Variants in ADAMTS9 observed in about 807,000 individuals in gnomAD.
The protein encoded by ADAMTS9 is ADAM metallopeptidase with thrombospondin type 1 motif 9.
A neutral mutation model predicts 257.1 loss-of-function variants in ADAMTS9; 107 were observed. That is an observed-to-expected ratio of 0.42 (90% CI 0.36 to 0.49). The LOEUF (loss-of-function observed/expected upper bound fraction) is 0.49, where lower values mean the gene tolerates loss of function less well. Among genes scored for constraint, ADAMTS9 ranks in the 20% least tolerant of loss-of-function variants. The pLI is 0.03. For synonymous variants in ADAMTS9, 982 were observed against 880.9 expected, an observed-to-expected ratio of 1.11 and a Z score of -2.03; for missense variants, 2,353 against 2,469.1, an observed-to-expected ratio of 0.95 and a Z score of 1.00.
At chr3:64,578,754 A>G (rs575209563) in intron 28 of ADAMTS9, among the ~76,000 whole-genome samples, 2 of 152,286 alleles carry the variant, frequency 1.3e-5, no homozygotes, top group South Asian at 2.1e-4. Context: ...TCACTTGTCC[A>G]GTCCATAAAA....
At chr3:64,636,398 T>C (rs1700497639) in intron 12 of ADAMTS9, among the ~76,000 whole-genome samples, 1 of 152,136 alleles carries the variant, frequency 6.6e-6, no homozygotes, top group Non-Finnish European at 1.5e-5. Flanking sequence ...TGATGCAATA[T>C]TAGGCGAGTT....
chr3:64,541,000 TAC>T (rs1239821104), intron 36 of ADAMTS9, 93 bp downstream of exon 36: 126 of 1,507,948 alleles, frequency 8.4e-5, no homozygotes, highest in Non-Finnish European at 9.9e-5. Context: ...CAATGTGCAA[TAC>T]GCACCTCCCT....
At chr3:64,625,580 T>TGAATTGCA (rs1240400824) in intron 16 of ADAMTS9, among the ~76,000 whole-genome samples, 1 of 152,158 alleles carries the variant, frequency 6.6e-6, no homozygotes, top group Non-Finnish European at 1.5e-5. Flanking sequence ...ATTCCAGGAT[T>TGAATTGCA]AGGAATTAAC....
chr3:64,554,830 G>C (rs528231511), intron 30 of ADAMTS9, among the ~76,000 whole-genome samples: 1 of 152,192 alleles, frequency 6.6e-6, no homozygotes, highest in South Asian at 2.1e-4. Flanking sequence ...TTGAGGGTGA[G>C]GAAGACCTAA....
chr3:64,517,429 T>TTTTTTTTTTTTTTTTTTTTTTTTTTG (rs1321284198), intron 39 of ADAMTS9, among the ~76,000 whole-genome samples: 2 of 130,662 alleles, frequency 1.5e-5, no homozygotes, highest in Non-Finnish European at 1.7e-5. Context: ...TTTTTTTTTT[T>TTTTTTTTTTTTTTTTTTTTTTTTTTG]TTTTTTTTTT....
intron 19 of ADAMTS9, among the ~76,000 whole-genome samples, chr3:64,617,862 G>A (rs981385484): frequency 1.3e-4 from 20 of 152,116 alleles, no homozygotes; most frequent in East Asian, 3.9e-4. Context: ...ACAACCATGC[G>A]TTTGGAAAAG....
At chr3:64,577,552 T>C (rs1423653632) in intron 28 of ADAMTS9, among the ~76,000 whole-genome samples, 1 of 152,138 alleles carries the variant, frequency 6.6e-6, no homozygotes, top group Admixed American at 6.5e-5. Flanking sequence ...GAGTAAGTAA[T>C]TGGTGGGAAA....
At chr3:64,635,426 A>G (rs1700472293) in intron 12 of ADAMTS9, among the ~76,000 whole-genome samples, 1 of 152,220 alleles carries the variant, frequency 6.6e-6, no homozygotes, top group African/African-American at 2.4e-5. Flanking sequence ...AACATTCACC[A>G]TTATTTATCA....
In ADAMTS9 at chr3:64,658,708, C is replaced by G. The variant is rs2106970254; in HGVS notation, c.763G>C (p.Ala255Pro). 1.9e-6 allele frequency: 3 copies of G among 1,614,166 alleles called. No individual in the cohort carries two copies. Among genetic ancestry groups the G allele is most frequent in the Non-Finnish European group, 2.5e-6 (3 of 1,180,032 alleles). ...GERINLAGDV[A>P]ALNSGLATEA... ...GTTGCTAAGCCGCTGTTTAATGCTGCTACGTCACCAGCCAGGTTAATCCTT... is the reference window on the plus strand; with the variant it reads ...GTTGCTAAGCCGCTGTTTAATGCTGGTACGTCACCAGCCAGGTTAATCCTT... Residue 255 changes from alanine (A) to proline (P), a missense_variant, in exon 4 of 40, where the codon GCA becomes CCA. Physicochemically the swap from Ala to Pro is conservative, Grantham distance 27 (BLOSUM62 -1). Coordinates refer to ENST00000498707, the MANE Select transcript of ADAMTS9 (RefSeq NM_182920.2).
chr3:64,612,771 C>T (rs1421595407), intron 22 of ADAMTS9, among the ~76,000 whole-genome samples: 1 of 152,174 alleles, frequency 6.6e-6, no homozygotes, highest in African/African-American at 2.4e-5. Context: ...GGGAGACTTT[C>T]ACTCTCTCCT....
rs201688362 is a variant in ADAMTS9 at position 64,621,138 on chromosome 3, G to T, written c.2789C>A (p.Pro930His). The T allele has an allele frequency of 3.5e-5, 56 of 1,613,706 alleles. No individual in the cohort carries two copies. In the East Asian group the frequency reaches 1.2e-3, roughly 35 times the overall value. Residue 930 changes from proline to histidine, a missense_variant, in exon 19 of 40, where the codon CCC (proline) becomes CAC (histidine). By Grantham distance (77) the Pro-to-His change is moderately conservative. This residue lies in a region of ADAMTS9 where 1,402 missense variants were observed against 1,441.4 expected (regional missense o/e 0.97). Transcript: ENST00000498707. ...CCTCAGGTCACAGTCTGTACCACAG[G>T]GTTCAGTAATGTGTCCAGGCTGGGG... The part of the protein sequence containing the change: ...RLPQPGHITE[P>H]CGTDCDLRWH...
chr3:64,521,298 C>G lies in ADAMTS9; in HGVS notation c.*5+868G>C, dbSNP rs549156364. 2.0e-5 allele frequency among the ~76,000 whole-genome samples: 3 copies of G among 152,200 alleles called. No homozygotes were observed. The East Asian group carries it at 5.8e-4, about 29-fold the overall frequency. ...CGATTCTTAAAAAGTAAAAAGATAA[C>G]AGATATTGGTGAGACTGCAGAGAAA... On this transcript the variant is annotated intron_variant, in intron 39 of 39. Coordinates refer to ENST00000498707, the MANE Select transcript of ADAMTS9 (RefSeq NM_182920.2).
At chr3:64,580,790 C>G (rs558935538) in intron 28 of ADAMTS9, among the ~76,000 whole-genome samples, 1 of 152,308 alleles carries the variant, frequency 6.6e-6, no homozygotes, top group South Asian at 2.1e-4. Context: ...GGGAAACATT[C>G]AGATTCCAAG....
In ADAMTS9 at chr3:64,533,244, T is replaced by A; in HGVS notation, c.5640A>T (p.Gly1880=). The A allele has an allele frequency of 6.2e-7, 1 of 1,614,040 alleles. No individual in the cohort carries two copies. The highest frequency in any genetic ancestry group is 1.3e-5 in the African/African-American group (1 of 75,030). The part of the protein sequence containing the change: ...PQGRFSINLY[G]TGLSLTESAR... ...CAGATTCAGTTAAAGACAAGCCGGTTCCATAAAGGTTGATGCTAAAACGAC... is the reference window on the plus strand; with the variant it reads ...CAGATTCAGTTAAAGACAAGCCGGTACCATAAAGGTTGATGCTAAAACGAC... Residue 1880 remains glycine, a synonymous_variant, in exon 38 of 40, where the codon GGA becomes GGT. Coordinates refer to ENST00000498707, the MANE Select transcript of ADAMTS9 (RefSeq NM_182920.2).
At position 64,662,360 on chromosome 3, in the gene ADAMTS9, C is replaced by T. The variant is rs574485738; in HGVS notation, c.680-3569G>A. Among the ~76,000 whole-genome samples, 140 of 152,210 alleles carry T rather than the reference C, an allele frequency of 9.2e-4. 3 individuals carry two copies. Among genetic ancestry groups the T allele is most frequent in the African/African-American group, 3.1e-3 (130 of 41,552 alleles). On this transcript the variant is annotated intron_variant, in intron 3 of 39. Coordinates refer to ENST00000498707, the MANE Select transcript of ADAMTS9 (RefSeq NM_182920.2). ...TGTGCTGGAGAATGTTTCATGTTCA[C>T]CTCAGAATACTCTGCTGTTTGTGGG...
At chr3:64,545,161 G>C (rs2083180228) in intron 32 of ADAMTS9, among the ~76,000 whole-genome samples, 1 of 152,200 alleles carries the variant, frequency 6.6e-6, no homozygotes, top group South Asian at 2.1e-4. Flanking sequence ...CTGTTGGTGG[G>C]ACTGTAAACT....
rs35753372 is a variant in ADAMTS9, at chr3:64,600,051, C to CTTT, written c.4017+1890_4017+1892dup. Among the ~76,000 whole-genome samples the CTTT allele has an allele frequency of 8.5e-3, 884 of 104,118 alleles. 30 individuals are homozygous for CTTT. The highest frequency in any genetic ancestry group is 0.017 in the East Asian group (59 of 3,472). 68.3% of individuals were successfully genotyped at this position (104,118 alleles called of 152,430 possible). On this transcript the variant is annotated intron_variant, in intron 26 of 39. Coordinates refer to ENST00000498707, the MANE Select transcript of ADAMTS9 (RefSeq NM_182920.2). ...TCTTTCACTTGAGTCAGTTTCTGTT[C>CTTT]TTTTTTTTTTTTTTTTTTTTGCAAA... is the stretch of plus-strand genomic sequence containing the variant.
At position 64,654,272 on chromosome 3, in the gene ADAMTS9, T is replaced by A. The variant is rs577692763; in HGVS notation, c.1316+81A>T. ...GGGAAGTCTCTTACACACTCGAAAG[T>A]CAAGTAAATGCTCACTGATGCGAAG... On this transcript the variant is annotated intron_variant, in intron 8 of 39. Transcript: ENST00000498707. 13 of 1,381,322 alleles carry A rather than the reference T, an allele frequency of 9.4e-6. No individual in the cohort carries two copies. In the African/African-American group the frequency reaches 1.3e-4, roughly 14 times the overall value. 85.6% of individuals were successfully genotyped at this position (1,381,322 alleles called of 1,614,324 possible).
intron 27 of ADAMTS9, among the ~76,000 whole-genome samples, chr3:64,596,585 C>T (rs1335948807): frequency 6.6e-6 from 1 of 152,160 alleles, no homozygotes; most frequent in African/African-American, 2.4e-5. Context: ...GAACAAATAA[C>T]TTAAACCAGT....
Sources: gnomAD v4.1 joint callset for allele counts (sites outside exome capture counted in the v4.1 genomes callset) on GRCh38, gnomAD v4.1.1 for gene constraint, gnomAD v4.1.1 regional missense constraint, MANE v1.5 for transcripts, NCBI Gene and HGNC (gene_info 2026-07-23, HGNC 2026-07-21) for gene names.